BNC2: variants seen among roughly 807,000 people sequenced by gnomAD.
The protein encoded by BNC2 is basonuclin zinc finger protein 2.
BNC2 carries 20 observed loss-of-function variants against 76.3 expected under a neutral mutation model. That is an observed-to-expected ratio of 0.26 (90% CI 0.18 to 0.38). BNC2 has a LOEUF of 0.38. BNC2 is among the 10% of genes least tolerant of loss of function. BNC2 has a pLI of 1.00. For missense variants in BNC2, 1,382 were observed against 1,399.8 expected (o/e 0.99, Z 0.20); for synonymous variants, 582 against 514.8 (o/e 1.13, Z -1.77).
intron 1 of BNC2, among the ~76,000 whole-genome samples, chr9:16,825,004 T>C (rs942132544): frequency 1.3e-5 from 2 of 151,714 alleles, no homozygotes; most frequent in African/African-American, 4.8e-5. Context: ...ACACCCCAGA[T>C]GTGTTCCTTC....
chr9:16,555,706 G>A (rs963110403), intron 4 of BNC2, among the ~76,000 whole-genome samples: 1 of 152,068 alleles, frequency 6.6e-6, no homozygotes, highest in South Asian at 2.1e-4. Context: ...GGAGTAGGAG[G>A]ATTATCTGAG....
At chr9:16,588,729 T>C (rs1486532760) in intron 3 of BNC2, among the ~76,000 whole-genome samples, 2 of 152,202 alleles carry the variant, frequency 1.3e-5, no homozygotes. Flanking sequence ...ATTCCAAAGC[T>C]CTAATACAGA....
At chr9:16,498,455 G>T (rs1346373213) in intron 5 of BNC2, among the ~76,000 whole-genome samples, 1 of 150,942 alleles carries the variant, frequency 6.6e-6, no homozygotes, top group Non-Finnish European at 1.5e-5. Flanking sequence ...TGATATGTGG[G>T]AGCTAAGCTA....
intron 5 of BNC2, among the ~76,000 whole-genome samples, chr9:16,492,561 C>CT (rs1019377336): frequency 1.3e-5 from 2 of 152,258 alleles, no homozygotes. Context: ...TGAGAATTAA[C>CT]TTTAATATGT....
intron 5 of BNC2, among the ~76,000 whole-genome samples, chr9:16,524,282 C>T (rs1175153164): frequency 6.6e-6 from 1 of 152,122 alleles, no homozygotes; most frequent in African/African-American, 2.4e-5. Flanking sequence ...TAGTAGACAC[C>T]AGATTTAACC....
intron 1 of BNC2, among the ~76,000 whole-genome samples, chr9:16,773,512 GAAA>G (rs71327857): frequency 1.3e-3 from 153 of 121,834 alleles, no homozygotes; most frequent in Non-Finnish European, 1.7e-3. Flanking sequence ...CATGCAATCA[GAAA>G]AAAAAAAAAA....
chr9:16,782,316 A>C (rs1283297338), intron 1 of BNC2, among the ~76,000 whole-genome samples: 1 of 151,734 alleles, frequency 6.6e-6, no homozygotes, highest in Non-Finnish European at 1.5e-5. Context: ...TAATAATAAT[A>C]ATTTTGTATA....
intron 5 of BNC2, among the ~76,000 whole-genome samples, chr9:16,538,420 C>T (rs534231644): frequency 5.3e-5 from 8 of 152,166 alleles, no homozygotes; most frequent in African/African-American, 1.2e-4. Flanking sequence ...CCAATTACTC[C>T]CCACGTGGCA....
chr9:16,678,513 G>A (rs760837356), intron 3 of BNC2, among the ~76,000 whole-genome samples: 38 of 151,546 alleles, frequency 2.5e-4, no homozygotes, highest in Non-Finnish European at 4.6e-4. Flanking sequence ...CAGGCAATCC[G>A]CCCACCTCCC....
chr9:16,784,431 C>A (rs903133908), intron 1 of BNC2, among the ~76,000 whole-genome samples: 2 of 152,054 alleles, frequency 1.3e-5, no homozygotes, highest in African/African-American at 2.4e-5. Flanking sequence ...CCACAAGGGA[C>A]AAAGTAATAA....
intron 3 of BNC2, among the ~76,000 whole-genome samples, chr9:16,700,585 A>G (rs1001622738): frequency 6.6e-6 from 1 of 152,176 alleles, no homozygotes; most frequent in African/African-American, 2.4e-5. Context: ...AGCTGGGACT[A>G]TAGGTGCGTG....
rs184596748 is a variant in BNC2, at chr9:16,845,704, A to G, written c.3+24942T>C. On this transcript the variant is annotated intron_variant, in intron 1 of 6. Coordinates refer to ENST00000380672, the MANE Select transcript of BNC2 (RefSeq NM_017637.6). ...CCTCTGCACTCCAGCCTGGGCGACA[A>G]AGCAAGACTCCGTCTCAAAATAAAA... Among the ~76,000 whole-genome samples the G allele has an allele frequency of 1.7e-3, 255 of 151,186 alleles. 1 individual carries two copies. Among genetic ancestry groups the G allele is most frequent in the Non-Finnish European group, 2.9e-3 (193 of 67,662 alleles).
intron 5 of BNC2, among the ~76,000 whole-genome samples, chr9:16,437,813 T>A (rs1045825771): frequency 2.0e-5 from 3 of 152,178 alleles, no homozygotes; most frequent in African/African-American, 7.2e-5. Context: ...TCAGTACTGC[T>A]TTTTTAACAA....
intron 3 of BNC2, chr9:16,699,268 C>T: frequency 2.1e-6 from 1 of 466,296 alleles, no homozygotes; most frequent in Admixed American, 2.4e-5. Context: ...TAGAAGCATG[C>T]ATGGGTTAGG....
At chr9:16,801,820 T>C (rs1373957704) in intron 1 of BNC2, among the ~76,000 whole-genome samples, 1 of 152,076 alleles carries the variant, frequency 6.6e-6, no homozygotes, top group Non-Finnish European at 1.5e-5. Context: ...AATCCCTTAC[T>C]GTATAGCTTC....
chr9:16,580,291 T>C, intron 4 of BNC2: 1 of 397,394 alleles, frequency 2.5e-6, no homozygotes, highest in East Asian at 3.6e-5. Context: ...GAGTGTGGGA[T>C]TCACATGCTT....
chr9:16,733,131 T>A (rs1468601922), intron 2 of BNC2, among the ~76,000 whole-genome samples: 1 of 152,204 alleles, frequency 6.6e-6, no homozygotes, highest in African/African-American at 2.4e-5. Context: ...GGGAACCAAC[T>A]AAGGAAATGT....
Position 16,576,088 on chromosome 9 carries a change from G to A in BNC2, c.433+6895C>T, listed in dbSNP as rs141977822. Among the ~76,000 whole-genome samples the A allele has an allele frequency of 6.7e-3, 1,022 of 152,232 alleles. 26 individuals carry two copies. In the South Asian group the frequency reaches 0.088, roughly 13 times the overall value. On this transcript the variant is annotated intron_variant, in intron 4 of 6. Coordinates refer to ENST00000380672, the MANE Select transcript of BNC2 (RefSeq NM_017637.6). ...TTCTTACTTTGCCACTGCTAAGCATGTACTTCCCTTCCCCTGAGGACTCAA... is the reference window on the plus strand; with the variant it reads ...TTCTTACTTTGCCACTGCTAAGCATATACTTCCCTTCCCCTGAGGACTCAA...
intron 1 of BNC2, among the ~76,000 whole-genome samples, chr9:16,848,604 C>T (rs1388945504): frequency 6.6e-6 from 1 of 152,218 alleles, no homozygotes; most frequent in African/African-American, 2.4e-5. Context: ...GAAAACAAGG[C>T]CTGCTAAGGA....
Sources: allele counts gnomAD v4.1 joint callset (sites outside exome capture counted in the v4.1 genomes callset), GRCh38; gene constraint gnomAD v4.1.1; transcripts MANE v1.5; gene names NCBI Gene and HGNC (gene_info 2026-07-23, HGNC 2026-07-21).